CISD1: variants seen among roughly 807,000 people sequenced by gnomAD.
The protein encoded by CISD1 is CDGSH iron sulfur domain 1.
Under a neutral mutation model 12.0 loss-of-function variants are expected in CISD1, and 8 were observed. The ratio of observed to expected loss-of-function variants is 0.67; its 90% confidence interval spans 0.39 to 1.20. The LOEUF is 1.20. CISD1 is among the 50% of genes most tolerant of loss of function. The pLI, the probability that CISD1 is intolerant of heterozygous loss-of-function variation, is 0.01. For synonymous variants in CISD1, 38 were observed against 42.2 expected (o/e 0.90, Z 0.39); for missense variants, 107 against 132.7 (o/e 0.81, Z 0.95).
intron 1 of CISD1, among the ~76,000 whole-genome samples, chr10:58,269,519 A>T (rs980019991): frequency 6.6e-6 from 1 of 152,196 alleles, no homozygotes; most frequent in Admixed American, 6.5e-5. Context: ...GCCATGCCGG[A>T]CCAGAGTCCA....
At position 58,289,209 on chromosome 10, in the gene CISD1, A is replaced by G. The variant is rs1839462597; in HGVS notation, c.*1559A>G. On this transcript the variant is annotated 3_prime_UTR_variant, in exon 3 of 3. Transcript: ENST00000333926. Reference sequence around the variant, plus strand: ...TGCATGTCAGCAAAACAGAGCAATCATGCTTTTAAAGATGAACTGTTTTAA... The same window carrying G: ...TGCATGTCAGCAAAACAGAGCAATCGTGCTTTTAAAGATGAACTGTTTTAA... 1 of 152,236 alleles carries G rather than the reference A, an allele frequency of 6.6e-6. No homozygotes were observed. The highest frequency in any genetic ancestry group is 1.5e-5 in the Non-Finnish European group (1 of 67,932). 9.4% of individuals were successfully genotyped at this position (152,236 alleles called of 1,614,324 possible).
At chr10:58,271,634 T>C (rs998915100) in intron 1 of CISD1, among the ~76,000 whole-genome samples, 3 of 152,218 alleles carry the variant, frequency 2.0e-5, no homozygotes, top group Non-Finnish European at 4.4e-5. Flanking sequence ...GAATTTGTAA[T>C]TATAAAGGGT....
At position 58,279,522 on chromosome 10, in the gene CISD1, T is replaced by C. The variant is rs1016231939; in HGVS notation, c.237+2200T>C. 6.6e-5 allele frequency among the ~76,000 whole-genome samples: 10 copies of C among 152,284 alleles called. No homozygotes were observed. In the Middle Eastern group the frequency reaches 0.017, roughly 259 times the overall value. ...TAGATTATGCCATTTTGTTCAAAAA[T>C]TCCTTGATGACTATATTGAATATAA... On this transcript the variant is annotated intron_variant, in intron 2 of 2. Transcript: ENST00000333926.
At chr10:58,280,691 G>A (rs553879275) in intron 2 of CISD1, among the ~76,000 whole-genome samples, 1 of 152,128 alleles carries the variant, frequency 6.6e-6, no homozygotes, top group African/African-American at 2.4e-5. Context: ...GAAATCTTGG[G>A]GAATTTTCTG....
intron 1 of CISD1, among the ~76,000 whole-genome samples, chr10:58,275,044 A>G (rs1839297277): frequency 6.6e-6 from 1 of 152,220 alleles, no homozygotes; most frequent in Admixed American, 6.5e-5. Context: ...GTGCCATCAA[A>G]CAAATATGTT....
chr10:58,274,860 GA>G (rs1342856706), intron 1 of CISD1, among the ~76,000 whole-genome samples: 3 of 152,116 alleles, frequency 2.0e-5, no homozygotes, highest in Non-Finnish European at 4.4e-5. Flanking sequence ...AATTACATGA[GA>G]AAAAAGAATG....
chr10:58,282,502 GAAT>G (rs1315395634), intron 2 of CISD1, among the ~76,000 whole-genome samples: 1 of 152,160 alleles, frequency 6.6e-6, no homozygotes, highest in African/African-American at 2.4e-5. Flanking sequence ...ATTGTTTAGA[GAAT>G]AATGACAAGG....
In CISD1 at chr10:58,289,363, C is replaced by T. The variant is rs1839464586; in HGVS notation, c.*1713C>T. ...GCATTTTTGTAATGTCAGGGGGAAC[C>T]TGGTACCAGTTCTCAAAACTATAGG... is the stretch of plus-strand genomic sequence containing the variant. On this transcript the variant is annotated 3_prime_UTR_variant, in exon 3 of 3. Coordinates refer to ENST00000333926, the MANE Select transcript of CISD1 (RefSeq NM_018464.5). The T allele has an allele frequency of 6.6e-6, 1 of 151,960 alleles. No individual in the cohort carries two copies. Among genetic ancestry groups the T allele is most frequent in the Non-Finnish European group, 1.5e-5 (1 of 67,918 alleles). 9.4% of individuals were successfully genotyped at this position (151,960 alleles called of 1,614,324 possible).
At chr10:58,283,916 TTAAG>T (rs1271647109) in intron 2 of CISD1, among the ~76,000 whole-genome samples, 1 of 152,208 alleles carries the variant, frequency 6.6e-6, no homozygotes, top group Non-Finnish European at 1.5e-5. Flanking sequence ...TTAGAATAAA[TTAAG>T]TATCAATACT....
rs2132275900 is a variant in CISD1, at chr10:58,271,437, C to G, written c.31+2133C>G. On this transcript the variant is annotated intron_variant, in intron 1 of 2. Coordinates refer to ENST00000333926, the MANE Select transcript of CISD1 (RefSeq NM_018464.5). The stretch of plus-strand genomic sequence containing the variant: ...AAATCTCTTCTACCAACATTTTCCT[C>G]CTCAATATAGTAGTAGGTAGGCAAG... Among the ~76,000 whole-genome samples the G allele has an allele frequency of 2.6e-5, 4 of 152,304 alleles. No homozygotes were observed. In the South Asian group the frequency reaches 8.3e-4, roughly 32 times the overall value.
rs1839461624 is a variant in CISD1 at position 58,289,123 on chromosome 10, T to G, written c.*1473T>G. 6.6e-6 allele frequency: 1 copy of G among 152,238 alleles called. No homozygotes were observed. Among genetic ancestry groups the G allele is most frequent in the South Asian group, 2.1e-4 (1 of 4,830 alleles). 9.4% of individuals were successfully genotyped at this position (152,238 alleles called of 1,614,324 possible). A position where few individuals can be genotyped will look rare whatever the true frequency, so the allele number is the denominator to read the frequency against. On this transcript the variant is annotated 3_prime_UTR_variant, in exon 3 of 3. Coordinates refer to ENST00000333926, the MANE Select transcript of CISD1 (RefSeq NM_018464.5). ...TAAAATCTAAAATCCTACAAACTGATTCTATTAGATTCTTAGGGTAAATTT... is the reference window on the plus strand; with the variant it reads ...TAAAATCTAAAATCCTACAAACTGAGTCTATTAGATTCTTAGGGTAAATTT...
rs1839464293 is a variant in CISD1 at position 58,289,350 on chromosome 10, T to C, written c.*1700T>C. 1 of 152,174 alleles carries C rather than the reference T, an allele frequency of 6.6e-6. No individual in the cohort carries two copies. The highest frequency in any genetic ancestry group is 6.5e-5 in the Admixed American group (1 of 15,274). 9.4% of individuals were successfully genotyped at this position (152,174 alleles called of 1,614,324 possible). ...TATTGTTAGTCATGCATTTTTGTAA[T>C]GTCAGGGGGAACCTGGTACCAGTTC... On this transcript the variant is annotated 3_prime_UTR_variant, in exon 3 of 3. Coordinates refer to ENST00000333926, the MANE Select transcript of CISD1 (RefSeq NM_018464.5).
chr10:58,286,536 G>GT (rs766376661), intron 2 of CISD1, among the ~76,000 whole-genome samples: 3 of 152,106 alleles, frequency 2.0e-5, no homozygotes, highest in Non-Finnish European at 4.4e-5. Flanking sequence ...ATAAAATTGT[G>GT]TTTTTTATAG....
chr10:58,277,974 C>T (rs1839334217), intron 2 of CISD1, among the ~76,000 whole-genome samples: 1 of 152,196 alleles, frequency 6.6e-6, no homozygotes, highest in African/African-American at 2.4e-5. Context: ...TACCTTCTTT[C>T]AGCTGCAACT....
chr10:58,278,409 C>G (rs929440206), intron 2 of CISD1, among the ~76,000 whole-genome samples: 13 of 152,096 alleles, frequency 8.5e-5, no homozygotes, highest in African/African-American at 2.9e-4. Flanking sequence ...CACCTGTAGT[C>G]CCAGCTATTC....
chr10:58,271,700 T>G (rs12572520), intron 1 of CISD1, among the ~76,000 whole-genome samples: 6,428 of 152,150 alleles, frequency 0.042, 184 homozygotes, highest in East Asian at 0.14. Context: ...AAATATAAAG[T>G]GTGTACGTGT....
intron 1 of CISD1, among the ~76,000 whole-genome samples, chr10:58,269,738 G>C (rs1227324915): frequency 6.6e-6 from 1 of 152,172 alleles, no homozygotes; most frequent in Non-Finnish European, 1.5e-5. Flanking sequence ...GAAGCATTGC[G>C]TGACTAATCA....
At chr10:58,273,396 C>G (rs766008059) in intron 1 of CISD1, 20 of 152,276 alleles carry the variant, frequency 1.3e-4, no homozygotes, top group East Asian at 3.9e-4. Context: ...TCCCCTCCCC[C>G]TCTCCTCATA....
rs904654590 is a variant in CISD1, at chr10:58,289,139, G to A, written c.*1489G>A. 6.6e-6 allele frequency: 1 copy of A among 152,084 alleles called. No homozygotes were observed. The highest frequency in any genetic ancestry group is 1.5e-5 in the Non-Finnish European group (1 of 67,886). The allele number at this position is 152,084 out of a possible 1,614,324, so 9.4% of individuals were successfully genotyped here. On this transcript the variant is annotated 3_prime_UTR_variant, in exon 3 of 3. Transcript: ENST00000333926. ...ACAAACTGATTCTATTAGATTCTTA[G>A]GGTAAATTTTTTCTTTGCCCACCTC...
Sources: allele counts gnomAD v4.1 joint callset (sites outside exome capture counted in the v4.1 genomes callset), GRCh38; gene constraint gnomAD v4.1.1; transcripts MANE v1.5; gene names NCBI Gene and HGNC (gene_info 2026-07-23, HGNC 2026-07-21).